CACNB2: variants seen among roughly 807,000 people sequenced by gnomAD.
The protein encoded by CACNB2 is voltage-dependent L-type calcium channel subunit beta-2.
In CACNB2, 42 loss-of-function variants were observed where a neutral mutation model predicts 73.3. The ratio of observed to expected loss-of-function variants is 0.57; its 90% confidence interval spans 0.45 to 0.74. CACNB2 has a LOEUF of 0.74. CACNB2 is among the 30% of genes least tolerant of loss of function. The pLI is 0.00. For missense variants in CACNB2, 940 were observed against 853.0 expected, an observed-to-expected ratio of 1.10 and a Z score of -1.27; for synonymous variants, 348 against 310.3, an observed-to-expected ratio of 1.12 and a Z score of -1.28.
rs144272932 is a variant in CACNB2, at chr10:18,487,761, C to G, written c.334-10594C>G. 6.3e-3 allele frequency among the ~76,000 whole-genome samples: 952 copies of G among 150,876 alleles called. 5 individuals are homozygous for G. The highest frequency in any genetic ancestry group is 0.011 in the Non-Finnish European group (715 of 67,844). ...GAGGCAGGGGAATCACTTGATCCTA[C>G]GAGGCAGAGGTTGCAGTGAGCCAAG... On this transcript the variant is annotated intron_variant, in intron 3 of 13. Transcript: ENST00000324631.
intron 2 of CACNB2, among the ~76,000 whole-genome samples, chr10:18,399,718 TTC>T (rs1239195976): frequency 6.6e-6 from 1 of 152,124 alleles, no homozygotes; most frequent in Non-Finnish European, 1.5e-5. Context: ...ACTTTTTTTT[TTC>T]ATTTTTATTT....
chr10:18,542,717 A>G lies in CACNB2; in HGVS notation c.*2993A>G, dbSNP rs376828718. ...TGGACATATGTGTAAACTGTGTAGT[A>G]AATCTGTAAATGAGGAAATAATCTC... On this transcript the variant is annotated 3_prime_UTR_variant, in exon 14 of 14. Coordinates refer to ENST00000324631, the MANE Select transcript of CACNB2 (RefSeq NM_201596.3). 5.3e-5 allele frequency: 8 copies of G among 152,286 alleles called. No homozygotes were observed. In the East Asian group the frequency reaches 1.4e-3, roughly 26 times the overall value. The allele number at this position is 152,286 out of a possible 1,614,324, so 9.4% of individuals were successfully genotyped here.
chr10:18,256,611 ATCAT>A (rs1368807031), intron 2 of CACNB2: 2 of 151,984 alleles, frequency 1.3e-5, no homozygotes, highest in Non-Finnish European at 2.9e-5. Flanking sequence ...CTGTGAATTC[ATCAT>A]TCATTCCAGA....
chr10:18,488,671 C>T (rs903760320), intron 3 of CACNB2, among the ~76,000 whole-genome samples: 9 of 151,792 alleles, frequency 5.9e-5, no homozygotes, highest in African/African-American at 2.2e-4. Flanking sequence ...TCTTTTTTTG[C>T]CTTTCTTTAT....
chr10:18,287,626 A>G lies in CACNB2; in HGVS notation c.214-114298A>G, dbSNP rs994506011. Among the ~76,000 whole-genome samples, 7 of 152,290 alleles carry G rather than the reference A, an allele frequency of 4.6e-5. No individual in the cohort carries two copies. In the South Asian group the frequency reaches 1.5e-3, roughly 32 times the overall value. Reference sequence around the variant, plus strand: ...AGCACTTTGGGAGGCCAAGGTGGACAGATCACCTGAGCCCAAGAGTTTAAG... The same window carrying G: ...AGCACTTTGGGAGGCCAAGGTGGACGGATCACCTGAGCCCAAGAGTTTAAG... On this transcript the variant is annotated intron_variant, in intron 2 of 13. Transcript: ENST00000324631.
intron 2 of CACNB2, among the ~76,000 whole-genome samples, chr10:18,389,652 G>A (rs751313777): frequency 1.3e-5 from 2 of 152,170 alleles, no homozygotes; most frequent in African/African-American, 2.4e-5. Flanking sequence ...TCCTAGAAGT[G>A]AAATTAATAG....
intron 2 of CACNB2, among the ~76,000 whole-genome samples, chr10:18,191,690 T>C (rs564604910): frequency 6.6e-6 from 1 of 152,316 alleles, no homozygotes; most frequent in East Asian, 1.9e-4. Flanking sequence ...ACATACAATG[T>C]TTGAGTTTCC....
chr10:18,498,309 T>G, intron 3 of CACNB2, 46 bp from the exon 4 acceptor site: 1 of 1,611,104 alleles, frequency 6.2e-7, no homozygotes, highest in Non-Finnish European at 8.5e-7. Flanking sequence ...GGAGGGACAG[T>G]GTTGTTTTGC....
intron 9 of CACNB2, among the ~76,000 whole-genome samples, 153 bp downstream of exon 9, chr10:18,519,121 A>G (rs999315866): frequency 6.6e-6 from 1 of 152,162 alleles, no homozygotes; most frequent in Non-Finnish European, 1.5e-5. Context: ...GATTCAATCA[A>G]TATTTATCAT....
chr10:18,489,264 C>T (rs1213954564), intron 3 of CACNB2, among the ~76,000 whole-genome samples: 1 of 151,812 alleles, frequency 6.6e-6, no homozygotes, highest in Non-Finnish European at 1.5e-5. Context: ...GTGGTGGGTG[C>T]CTATAATCCC....
chr10:18,456,416 T>A (rs1182701136), intron 3 of CACNB2, among the ~76,000 whole-genome samples: 3 of 151,954 alleles, frequency 2.0e-5, no homozygotes, highest in Non-Finnish European at 4.4e-5. Flanking sequence ...TGAGCCAAGA[T>A]CACACCCACT....
At chr10:18,481,404 G>GC (rs1243796410) in intron 3 of CACNB2, among the ~76,000 whole-genome samples, 4 of 150,126 alleles carry the variant, frequency 2.7e-5, no homozygotes, top group African/African-American at 9.8e-5. Flanking sequence ...GCACCATCAT[G>GC]CCCGGCTAGT....
chr10:18,385,169 G>A (rs1448136255), intron 2 of CACNB2, among the ~76,000 whole-genome samples: 3 of 151,974 alleles, frequency 2.0e-5, no homozygotes, highest in African/African-American at 7.3e-5. Context: ...TGTAATCCCA[G>A]GTACTCGAGA....
At chr10:18,278,182 T>C (rs1435319353) in intron 2 of CACNB2, among the ~76,000 whole-genome samples, 2 of 152,180 alleles carry the variant, frequency 1.3e-5, no homozygotes, top group African/African-American at 4.8e-5. Flanking sequence ...GGATTTAGCT[T>C]ATGACTTGAT....
rs1486733597 is a variant in CACNB2 at position 18,429,836 on chromosome 10, C to T, written c.333+27793C>T. Among the ~76,000 whole-genome samples the T allele has an allele frequency of 7.8e-5, 11 of 140,310 alleles. No individual in the cohort carries two copies. In the South Asian group the frequency reaches 8.9e-4, roughly 11 times the overall value. The allele number at this position is 140,310 out of a possible 152,430, so 92.0% of individuals were successfully genotyped here. On this transcript the variant is annotated intron_variant, in intron 3 of 13. Transcript: ENST00000324631. The stretch of plus-strand genomic sequence containing the variant: ...AAAAAAAAAAAAAAAACAAATTAAC[C>T]AAGCATGATGTTGTACACCTGTATC...
intron 3 of CACNB2, among the ~76,000 whole-genome samples, chr10:18,426,808 G>A (rs1427880436): frequency 6.6e-6 from 1 of 152,068 alleles, no homozygotes; most frequent in African/African-American, 2.4e-5. Flanking sequence ...TTGTCTTAGT[G>A]GTACTCTTTA....
rs1436280481 is a variant in CACNB2, at chr10:18,356,938, A to ATGTCTTTTTT, written c.214-44985_214-44984insGTCTTTTTTT. 8.3e-4 allele frequency among the ~76,000 whole-genome samples: 78 copies of ATGTCTTTTTT among 94,466 alleles called. 9 individuals carry two copies. The highest frequency in any genetic ancestry group is 9.9e-4 in the African/African-American group (26 of 26,372). The allele number at this position is 94,466 out of a possible 152,430, so 62.0% of individuals were successfully genotyped here. On this transcript the variant is annotated intron_variant, in intron 2 of 13. Coordinates refer to ENST00000324631, the MANE Select transcript of CACNB2 (RefSeq NM_201596.3). ...AGCCACTGTGCCTGGCCCAGACTCA[A>ATGTCTTTTTT]TTTCTTTTTTTTTTTTTTTTTTTTG...
chr10:18,210,302 T>C (rs1444700134), intron 2 of CACNB2, among the ~76,000 whole-genome samples: 1 of 152,244 alleles, frequency 6.6e-6, no homozygotes, highest in Non-Finnish European at 1.5e-5. Context: ...TGTATATACA[T>C]GCAGGTACAC....
At chr10:18,194,088 T>C (rs1482477489) in intron 2 of CACNB2, among the ~76,000 whole-genome samples, 1 of 151,978 alleles carries the variant, frequency 6.6e-6, no homozygotes, top group Admixed American at 6.6e-5. Context: ...GTATGAAGGA[T>C]TCTCTCAATC....
Sources: gnomAD v4.1 joint callset for allele counts (sites outside exome capture counted in the v4.1 genomes callset) on GRCh38, gnomAD v4.1.1 for gene constraint, MANE v1.5 for transcripts, NCBI Gene and HGNC (gene_info 2026-07-23, HGNC 2026-07-21) for gene names.